The following KITLG variants were observed in gnomAD, a reference collection of about 807,000 sequenced individuals.
KITLG encodes KIT ligand, also known as c-Kit ligand.
In KITLG, 13 loss-of-function variants were observed where a neutral mutation model predicts 34.1. The observed-to-expected ratio is 0.38, with a 90% CI of 0.25 to 0.61. The LOEUF (loss-of-function observed/expected upper bound fraction) is 0.61. Ranked by LOEUF, KITLG falls within the 20% of genes least tolerant of loss-of-function variation. The pLI is 0.60. For missense variants in KITLG, 292 were observed against 318.9 expected (o/e 0.92, Z 0.64); for synonymous variants, 110 against 104.0 (o/e 1.06, Z -0.35).
chr12:88,546,653 A>G (rs1345121050), intron 1 of KITLG, among the ~76,000 whole-genome samples: 1 of 152,218 alleles, frequency 6.6e-6, no homozygotes, highest in African/African-American at 2.4e-5. Flanking sequence ...TTCACAACAC[A>G]TAACACAGTG....
intron 5 of KITLG, 138 bp from the exon 6 acceptor site, chr12:88,515,755 C>T (rs1162308719): frequency 4.4e-6 from 3 of 680,994 alleles, no homozygotes; most frequent in Non-Finnish European, 8.1e-6. Flanking sequence ...CTATTTATTT[C>T]ATACTGGGTC....
At chr12:88,568,364 T>G (rs1397666918) in intron 1 of KITLG, among the ~76,000 whole-genome samples, 3 of 152,044 alleles carry the variant, frequency 2.0e-5, no homozygotes, top group Non-Finnish European at 4.4e-5. Context: ...CTCACTATGT[T>G]GCCCAGGCTG....
chr12:88,520,535 G>C (rs1323025827), intron 3 of KITLG, among the ~76,000 whole-genome samples: 1 of 152,002 alleles, frequency 6.6e-6, no homozygotes, highest in Non-Finnish European at 1.5e-5. Context: ...TAATCTCTTA[G>C]GACTCTATTT....
At chr12:88,512,697 A>AT (rs1869320484) in intron 6 of KITLG, among the ~76,000 whole-genome samples, 1 of 151,682 alleles carries the variant, frequency 6.6e-6, no homozygotes, top group East Asian at 1.9e-4. Flanking sequence ...TACCTTTTTT[A>AT]TTTTTTTCAG....
At chr12:88,548,246 G>A (rs1870781641) in intron 1 of KITLG, among the ~76,000 whole-genome samples, 1 of 152,078 alleles carries the variant, frequency 6.6e-6, no homozygotes, top group African/African-American at 2.4e-5. Flanking sequence ...ACGAGGTCAG[G>A]AGATCGAGAC....
At chr12:88,501,036 C>T (rs1159816996) in intron 9 of KITLG, among the ~76,000 whole-genome samples, 6 of 152,036 alleles carry the variant, frequency 3.9e-5, no homozygotes, top group Non-Finnish European at 7.4e-5. Context: ...CACCTCAGCC[C>T]CCCAAGGTAC....
chr12:88,574,927 C>A (rs1173748152), intron 1 of KITLG, among the ~76,000 whole-genome samples: 1 of 152,110 alleles, frequency 6.6e-6, no homozygotes. Flanking sequence ...AAATATCAAG[C>A]AGTAGGTGAA....
intron 1 of KITLG, among the ~76,000 whole-genome samples, chr12:88,562,389 C>T (rs940236291): frequency 1.2e-4 from 19 of 152,194 alleles, no homozygotes; most frequent in Non-Finnish European, 2.4e-4. Flanking sequence ...ATTGCAACAT[C>T]GCCAACCAGT....
At chr12:88,529,410 T>C (rs1199163749) in intron 3 of KITLG, among the ~76,000 whole-genome samples, 2 of 152,176 alleles carry the variant, frequency 1.3e-5, no homozygotes, top group Non-Finnish European at 2.9e-5. Context: ...TAAAATAGCA[T>C]TGGTGATTAT....
chr12:88,528,223 A>G (rs1476947335), intron 3 of KITLG, among the ~76,000 whole-genome samples: 1 of 152,154 alleles, frequency 6.6e-6, no homozygotes, highest in Non-Finnish European at 1.5e-5. Flanking sequence ...TGAAGCCAGC[A>G]GTGTAATATT....
rs1418182903 is a variant in KITLG, at chr12:88,496,108, G to T, written c.*1111C>A. ...ATAGAGTGCCCGATTTTAACTAAAT[G>T]GATCCTTTAAACAGATAATGGTGAT... On this transcript the variant is annotated 3_prime_UTR_variant, in exon 10 of 10. Transcript: ENST00000644744. The T allele has an allele frequency of 6.6e-6, 1 of 151,956 alleles. No homozygotes were observed. The highest frequency in any genetic ancestry group is 1.9e-4 in the East Asian group (1 of 5,178). 9.4% of individuals were successfully genotyped at this position (151,956 alleles called of 1,614,324 possible). A position where few individuals can be genotyped will look rare whatever the true frequency, so the allele number is the denominator to read the frequency against.
At chr12:88,559,710 A>G (rs1275957479) in intron 1 of KITLG, among the ~76,000 whole-genome samples, 1 of 152,206 alleles carries the variant, frequency 6.6e-6, no homozygotes, top group Non-Finnish European at 1.5e-5. Flanking sequence ...GTTGAAAAAT[A>G]AGGATTATTT....
At chr12:88,577,184 A>G (rs1299822311) in intron 1 of KITLG, among the ~76,000 whole-genome samples, 1 of 152,216 alleles carries the variant, frequency 6.6e-6, no homozygotes, top group Non-Finnish European at 1.5e-5. Flanking sequence ...TCTTCTACAA[A>G]GTAAACTTGC....
At chr12:88,549,046 C>T (rs1425374091) in intron 1 of KITLG, among the ~76,000 whole-genome samples, 2 of 152,168 alleles carry the variant, frequency 1.3e-5, no homozygotes, top group African/African-American at 4.8e-5. Flanking sequence ...TCCACGCAGA[C>T]ATCTGTGGGA....
At chr12:88,529,866 A>C (rs1375527995) in intron 3 of KITLG, among the ~76,000 whole-genome samples, 3 of 152,176 alleles carry the variant, frequency 2.0e-5, no homozygotes, top group Admixed American at 6.6e-5. Context: ...TTTCTTGCCC[A>C]TGGTGGTGGC....
chr12:88,553,935 G>C (rs1168531398), intron 1 of KITLG, among the ~76,000 whole-genome samples: 1 of 152,140 alleles, frequency 6.6e-6, no homozygotes, highest in Non-Finnish European at 1.5e-5. Flanking sequence ...AAGAAGATGA[G>C]GTTGAAGACC....
intron 7 of KITLG, among the ~76,000 whole-genome samples, 197 bp downstream of exon 7, chr12:88,506,831 T>C (rs1293844476): frequency 6.6e-6 from 1 of 152,230 alleles, no homozygotes; most frequent in East Asian, 1.9e-4. Context: ...TCCTAATTCT[T>C]AAGCGTGAAT....
At position 88,554,727 on chromosome 12, in the gene KITLG, C is replaced by CT. The variant is rs552367905; in HGVS notation, c.16-8863dup. Reference sequence around the variant, plus strand: ...ATAACCATTCAGTTCTATATGACTTCTTTTTTCAGATCTTTTTAATTGCTT... The same window carrying CT: ...ATAACCATTCAGTTCTATATGACTTCTTTTTTTCAGATCTTTTTAATTGCTT... On this transcript the variant is annotated intron_variant, in intron 1 of 9. Transcript: ENST00000644744. Among the ~76,000 whole-genome samples the CT allele has an allele frequency of 7.1e-3, 1,080 of 152,294 alleles. 5 individuals carry two copies. The highest frequency in any genetic ancestry group is 0.012 in the Non-Finnish European group (843 of 68,012).
In KITLG at chr12:88,537,046, A is replaced by C. The variant is rs575301741; in HGVS notation, c.130-4543T>G. Among the ~76,000 whole-genome samples the C allele has an allele frequency of 3.9e-5, 6 of 152,224 alleles. No homozygotes were observed. The East Asian group carries it at 1.2e-3, about 29-fold the overall frequency. On this transcript the variant is annotated intron_variant, in intron 2 of 9. Coordinates refer to ENST00000644744, the MANE Select transcript of KITLG (RefSeq NM_000899.5). ...TGCAGAGAAAAGGGAATGCATATAC[A>C]CTGTTCAGCCACTGTGGAAAGAAAT...
Sources: allele counts gnomAD v4.1 joint callset (sites outside exome capture counted in the v4.1 genomes callset), GRCh38; gene constraint gnomAD v4.1.1; transcripts MANE v1.5; gene names NCBI Gene and HGNC (gene_info 2026-07-23, HGNC 2026-07-21).